The following KSR1 variants were observed in gnomAD, a reference collection of about 807,000 sequenced individuals.
The protein encoded by KSR1 is kinase suppressor of ras 1.
Under a neutral mutation model 92.9 loss-of-function variants are expected in KSR1, and 35 were observed. That is an observed-to-expected ratio of 0.38 (90% CI 0.29 to 0.50). KSR1 has a LOEUF of 0.50. Ranked by LOEUF, KSR1 falls within the 20% of genes least tolerant of loss-of-function variation. KSR1 has a pLI of 0.94. For missense variants in KSR1, 972 were observed against 1,158.5 expected (o/e 0.84, Z 2.34); for synonymous variants, 467 against 472.6 (o/e 0.99, Z 0.15).
rs1057499406 is a variant in KSR1, at chr17:27,456,888, GGA to G, written c.231+15_231+16del. ...CGGACCCTGGAGGTAAGTGGGTCGG[GGA>G]CCAGGCTGGGCTCGAGGAGCGGGCC... On this transcript the variant is annotated intron_variant, in intron 1 of 20. Transcript: ENST00000644974. 1 of 830,356 alleles carries G rather than the reference GGA, an allele frequency of 1.2e-6. No individual in the cohort carries two copies. The highest frequency in any genetic ancestry group is 1.7e-5 in the African/African-American group (1 of 60,158). 51.4% of individuals were successfully genotyped at this position (830,356 alleles called of 1,614,324 possible). A position where few individuals can be genotyped will look rare whatever the true frequency, so the allele number is the denominator to read the frequency against.
At chr17:27,469,458 G>A (rs978126122) in intron 1 of KSR1, among the ~76,000 whole-genome samples, 8 of 152,128 alleles carry the variant, frequency 5.3e-5, no homozygotes, top group South Asian at 2.1e-4. Context: ...ACATTGAGGC[G>A]TGCATTGAGG....
intron 1 of KSR1, among the ~76,000 whole-genome samples, chr17:27,473,657 G>C (rs1462149875): frequency 6.6e-6 from 1 of 152,168 alleles, no homozygotes; most frequent in Non-Finnish European, 1.5e-5. Flanking sequence ...GGGTGTGATG[G>C]TGATAGGCAC....
rs1306805633 is a variant in KSR1 at position 27,528,343 on chromosome 17, G to A, written c.232-22225G>A. 2.6e-5 allele frequency among the ~76,000 whole-genome samples: 4 copies of A among 152,094 alleles called. No individual in the cohort carries two copies. In the East Asian group the frequency reaches 5.8e-4, roughly 22 times the overall value. ...CAACCTCCCAAAGTGCTGGGATTAC[G>A]GGTGTGAACCACTGTGCCTGGCCAA... On this transcript the variant is annotated intron_variant, in intron 1 of 20. Coordinates refer to ENST00000644974, the MANE Select transcript of KSR1 (RefSeq NM_001394583.1).
chr17:27,476,272 G>C (rs969510589), intron 1 of KSR1, among the ~76,000 whole-genome samples: 3 of 152,206 alleles, frequency 2.0e-5, no homozygotes, highest in Admixed American at 1.3e-4. Flanking sequence ...CGGAGAGTTG[G>C]TCCTCCAGGT....
In KSR1 at chr17:27,586,813, G is replaced by A. The variant is rs559829571; in HGVS notation, c.985+1152G>A. Among the ~76,000 whole-genome samples, 10 of 152,328 alleles carry A rather than the reference G, an allele frequency of 6.6e-5. No homozygotes were observed. The South Asian group carries it at 1.2e-3, about 19-fold the overall frequency. On this transcript the variant is annotated intron_variant, in intron 5 of 20. Transcript: ENST00000644974. The stretch of plus-strand genomic sequence containing the variant: ...TGGCTTTTGGGGCTAATTGATTGAA[G>A]TTCCAACATAGTCTGTTTCTCCTAG...
chr17:27,489,051 C>G (rs1043986841), intron 1 of KSR1, among the ~76,000 whole-genome samples: 1 of 152,214 alleles, frequency 6.6e-6, no homozygotes, highest in South Asian at 2.1e-4. Flanking sequence ...ACATTTGCAG[C>G]ACGAAAGCCC....
intron 1 of KSR1, among the ~76,000 whole-genome samples, chr17:27,462,547 G>A (rs765673509): frequency 2.0e-5 from 3 of 152,158 alleles, no homozygotes; most frequent in African/African-American, 7.2e-5. Flanking sequence ...GATGCAGCCC[G>A]CTCTACGCTT....
At chr17:27,469,775 AG>A (rs1035644755) in intron 1 of KSR1, among the ~76,000 whole-genome samples, 1 of 152,012 alleles carries the variant, frequency 6.6e-6, no homozygotes, top group Non-Finnish European at 1.5e-5. Flanking sequence ...TGGTCATTTT[AG>A]TTGCCACATG....
At chr17:27,486,255 G>A (rs1252372312) in intron 1 of KSR1, among the ~76,000 whole-genome samples, 1 of 152,204 alleles carries the variant, frequency 6.6e-6, no homozygotes, top group Non-Finnish European at 1.5e-5. Context: ...TGACAAGGGT[G>A]GTATTTAACA....
intron 2 of KSR1, among the ~76,000 whole-genome samples, chr17:27,560,057 C>T (rs1414503566): frequency 1.3e-5 from 2 of 152,218 alleles, no homozygotes; most frequent in Non-Finnish European, 2.9e-5. Flanking sequence ...GGAGCGCTGC[C>T]TCCCACGTGG....
At chr17:27,617,244 C>A (rs1458888917) in intron 18 of KSR1, 51 bp from the exon 19 acceptor site, 2 of 1,561,548 alleles carry the variant, frequency 1.3e-6, no homozygotes, top group Admixed American at 1.7e-5. Flanking sequence ...TACTGTGTGC[C>A]CCCTCCCTCC....
At chr17:27,478,874 G>A (rs749801683) in intron 1 of KSR1, among the ~76,000 whole-genome samples, 18 of 152,240 alleles carry the variant, frequency 1.2e-4, no homozygotes, top group Non-Finnish European at 2.1e-4. Flanking sequence ...CTGGTGTCAC[G>A]AGAACATGGT....
chr17:27,618,795 C>G (rs2074134216), intron 19 of KSR1, among the ~76,000 whole-genome samples: 1 of 152,198 alleles, frequency 6.6e-6, no homozygotes, highest in African/African-American at 2.4e-5. Flanking sequence ...CAAGTATGGC[C>G]TGCCACCTGT....
intron 1 of KSR1, chr17:27,527,158 C>A: frequency 3.6e-6 from 1 of 275,378 alleles, no homozygotes. Flanking sequence ...CTACTAAAAT[C>A]AGCAGGGTAC....
intron 6 of KSR1, among the ~76,000 whole-genome samples, chr17:27,589,345 C>CT (rs780642067): frequency 9.9e-5 from 15 of 152,106 alleles, no homozygotes; most frequent in Non-Finnish European, 2.1e-4. Context: ...TGCTCGGGGC[C>CT]TTTTTTGGCC....
intron 1 of KSR1, among the ~76,000 whole-genome samples, chr17:27,539,035 C>T (rs1205218319): frequency 6.6e-6 from 1 of 152,148 alleles, no homozygotes; most frequent in Non-Finnish European, 1.5e-5. Context: ...CAGAGTCTCC[C>T]TAGGGAACAG....
chr17:27,496,902 G>T (rs2069007233), intron 1 of KSR1, among the ~76,000 whole-genome samples: 1 of 152,230 alleles, frequency 6.6e-6, no homozygotes, highest in African/African-American at 2.4e-5. Context: ...ATGAGAGTGT[G>T]GGCCAGCAGG....
chr17:27,469,219 G>GCCTAT (rs1341883699), intron 1 of KSR1, among the ~76,000 whole-genome samples: 1 of 152,098 alleles, frequency 6.6e-6, no homozygotes, highest in African/African-American at 2.4e-5. Context: ...CCTTCCTGAA[G>GCCTAT]CCTAGCTTTG....
At chr17:27,585,563 C>G (rs1037095066) in intron 4 of KSR1, 94 bp from the exon 5 acceptor site, 1 of 719,706 alleles carries the variant, frequency 1.4e-6, no homozygotes, top group Non-Finnish European at 2.6e-6. Context: ...TACGTCCCAG[C>G]CCCTTGCCTG....
Sources: gnomAD v4.1 joint callset for allele counts (sites outside exome capture counted in the v4.1 genomes callset) on GRCh38, gnomAD v4.1.1 for gene constraint, MANE v1.5 for transcripts, NCBI Gene and HGNC (gene_info 2026-07-23, HGNC 2026-07-21) for gene names.